CHUK: variants seen among roughly 807,000 people sequenced by gnomAD.
CHUK encodes component of inhibitor of nuclear factor kappa B kinase complex.
In CHUK, 35 loss-of-function variants were observed where a neutral mutation model predicts 104.8. The ratio of observed to expected loss-of-function variants is 0.33; its 90% CI spans 0.26 to 0.44. The LOEUF is 0.44. Ranked by LOEUF, CHUK falls within the 20% of genes least tolerant of loss-of-function variation. The probability of loss-of-function intolerance (pLI) is 1.00; values close to 1 mark genes in which losing one functional copy is unlikely to be tolerated. For missense variants in CHUK, 663 were observed against 902.7 expected, an observed-to-expected ratio of 0.73 and a Z score of 3.40; for synonymous variants, 276 against 291.9, an observed-to-expected ratio of 0.95 and a Z score of 0.56.
intron 9 of CHUK, among the ~76,000 whole-genome samples, chr10:100,216,796 G>A (rs1042750715): frequency 6.6e-6 from 1 of 152,132 alleles, no homozygotes; most frequent in Non-Finnish European, 1.5e-5. Context: ...ACTATCTATA[G>A]CTCTCATTCA....
chr10:100,205,838 G>A (rs1845576625), intron 11 of CHUK, among the ~76,000 whole-genome samples: 1 of 152,238 alleles, frequency 6.6e-6, no homozygotes, highest in African/African-American at 2.4e-5. Flanking sequence ...TGAGACAGGA[G>A]AATCGCTTGT....
At chr10:100,219,937 C>A (rs891720104) in intron 5 of CHUK, among the ~76,000 whole-genome samples, 10 of 152,016 alleles carry the variant, frequency 6.6e-5, no homozygotes, top group African/African-American at 2.2e-4. Context: ...CTCCAAGAGG[C>A]CAACAACTAT....
intron 8 of CHUK, among the ~76,000 whole-genome samples, chr10:100,218,357 G>A (rs2134242949): frequency 6.6e-6 from 1 of 152,270 alleles, no homozygotes; most frequent in East Asian, 1.9e-4. Context: ...TCTGACGGAT[G>A]AGTCCAAATC....
At chr10:100,219,189 T>G in intron 6 of CHUK, 57 bp from the exon 7 acceptor site, 1 of 1,589,382 alleles carries the variant, frequency 6.3e-7, no homozygotes, top group Non-Finnish European at 8.6e-7. Context: ...CTACTTTATT[T>G]TTGACCTACT....
At chr10:100,195,217 G>A (rs2134208531) in intron 16 of CHUK, 1 of 152,278 alleles carries the variant, frequency 6.6e-6, no homozygotes, top group East Asian at 1.9e-4. Flanking sequence ...TAAAGGAGTT[G>A]AAAGTTGCTT....
downstream of CHUK, chr10:100,187,902 A>G (rs1445563326): frequency 3.3e-5 from 5 of 152,244 alleles, no homozygotes; most frequent in South Asian, 2.1e-4. Context: ...CACTTTTACT[A>G]TACTGCCTAT....
At chr10:100,212,904 G>T (rs1302891946) in intron 9 of CHUK, among the ~76,000 whole-genome samples, 1 of 151,564 alleles carries the variant, frequency 6.6e-6, no homozygotes, top group Non-Finnish European at 1.5e-5. Flanking sequence ...TACTCAGAAG[G>T]CTGAGGCAGG....
rs1275163606 is a variant in CHUK, at chr10:100,192,731, TA to T, written c.2108+566del. The T allele has an allele frequency of 2.0e-5, 20 of 988,370 alleles. No homozygotes were observed. In the East Asian group the frequency reaches 2.1e-3, roughly 105 times the overall value. The allele number at this position is 988,370 out of a possible 1,614,324, so 61.2% of individuals were successfully genotyped here. A position where few individuals can be genotyped will look rare whatever the true frequency, so the allele number is the denominator to read the frequency against. On this transcript the variant is annotated intron_variant, in intron 19 of 20. Transcript: ENST00000370397. ...CAGAAATGGATAGTCATTCAGCTTT[TA>T]GCAAAAGAGTAGGAATTAATAAAAT... is the stretch of plus-strand genomic sequence containing the variant.
At chr10:100,217,078 G>A (rs1172926612) in intron 9 of CHUK, among the ~76,000 whole-genome samples, 1 of 147,286 alleles carries the variant, frequency 6.8e-6, no homozygotes, top group Non-Finnish European at 1.5e-5. Flanking sequence ...GGATATCCAG[G>A]CAGAAGGATA....
At chr10:100,217,701 AC>A (rs992141090) in intron 9 of CHUK, among the ~76,000 whole-genome samples, 1 of 152,170 alleles carries the variant, frequency 6.6e-6, no homozygotes, top group African/African-American at 2.4e-5. Flanking sequence ...ACATAGCGAA[AC>A]CCTACCTCTA....
At chr10:100,226,688 A>G (rs890274328) in intron 1 of CHUK, among the ~76,000 whole-genome samples, 1 of 152,266 alleles carries the variant, frequency 6.6e-6, no homozygotes, top group Non-Finnish European at 1.5e-5. Flanking sequence ...GCTCAGAAAT[A>G]GCAGTCAGGG....
chr10:100,212,338 G>A (rs917210672), intron 9 of CHUK, among the ~76,000 whole-genome samples: 4 of 152,158 alleles, frequency 2.6e-5, no homozygotes, highest in African/African-American at 9.7e-5. Context: ...CATCCCAACA[G>A]GTGGGGGGTG....
intron 13 of CHUK, 33 bp from the exon 14 acceptor site, chr10:100,202,182 A>G: frequency 7.0e-7 from 1 of 1,433,190 alleles, no homozygotes; most frequent in Non-Finnish European, 9.8e-7. Context: ...TTATCTCAGA[A>G]ATAGCCATAT....
chr10:100,205,024 T>G, intron 12 of CHUK, 52 bp downstream of exon 12: 2 of 1,606,572 alleles, frequency 1.2e-6, no homozygotes, highest in Non-Finnish European at 1.7e-6. Context: ...GATTAATTCT[T>G]GAGTATATGA....
chr10:100,226,109 T>G (rs1846100269), intron 1 of CHUK, 92 bp from the exon 2 acceptor site: 1 of 772,618 alleles, frequency 1.3e-6, no homozygotes, highest in Admixed American at 1.9e-5. Flanking sequence ...AACAAAACTT[T>G]TTAGCTTTAC....
chr10:100,187,719 T>C (rs1288254392), downstream of CHUK: 4 of 152,304 alleles, frequency 2.6e-5, no homozygotes, highest in Non-Finnish European at 5.9e-5. Flanking sequence ...GCCCAAATTA[T>C]ATAGATCAGG....
chr10:100,218,980 C>T (rs752823954), intron 7 of CHUK, 28 bp downstream of exon 7: 1 of 1,613,592 alleles, frequency 6.2e-7, no homozygotes, highest in African/African-American at 1.3e-5. Context: ...TCCCATTAAG[C>T]ATGCCCAAGT....
intron 2 of CHUK, among the ~76,000 whole-genome samples, chr10:100,225,672 G>A (rs1006073743): frequency 3.3e-5 from 5 of 152,080 alleles, no homozygotes; most frequent in African/African-American, 4.8e-5. Flanking sequence ...AGGAATCACC[G>A]TACTGTTTTC....
At chr10:100,218,213 G>T in intron 8 of CHUK, 83 bp from the exon 9 acceptor site, 1 of 1,268,364 alleles carries the variant, frequency 7.9e-7, no homozygotes, top group Non-Finnish European at 1.1e-6. Context: ...AATTTTGCAG[G>T]TTGTCCATTT....
Sources: allele counts gnomAD v4.1 joint callset (sites outside exome capture counted in the v4.1 genomes callset), GRCh38; gene constraint gnomAD v4.1.1; transcripts MANE v1.5; gene names NCBI Gene and HGNC (gene_info 2026-07-23, HGNC 2026-07-21).